The following SLC46A1 variants were observed in gnomAD, a reference collection of about 807,000 sequenced individuals.
SLC46A1 encodes the protein proton-coupled folate transporter.
Under a neutral mutation model 32.1 loss-of-function variants are expected in SLC46A1, and 17 were observed. That is an observed-to-expected ratio of 0.53 (90% CI 0.36 to 0.79). SLC46A1 has a LOEUF of 0.79. SLC46A1 is among the 30% of genes least tolerant of loss of function. The probability of loss-of-function intolerance (pLI) is 0.00; values close to 1 mark genes in which losing one functional copy is unlikely to be tolerated. For synonymous variants in SLC46A1, 240 were observed against 262.7 expected (o/e 0.91, Z 0.84); for missense variants, 517 against 588.2 (o/e 0.88, Z 1.25).
rs1452356781 is a variant in SLC46A1 at position 28,396,388 on chromosome 17, CTCT to C, written c.*3265_*3267del. On this transcript the variant is annotated 3_prime_UTR_variant, in exon 5 of 5. Coordinates refer to ENST00000612814, the MANE Select transcript of SLC46A1 (RefSeq NM_080669.6). ...TCTCCCTGGGCTGAGACAACCTGGG[CTCT>C]TCTTAGGAAATGGCTCTCCCTCCCC... The C allele has an allele frequency of 9.8e-6, 14 of 1,432,872 alleles. No individual in the cohort carries two copies. The highest frequency in any genetic ancestry group is 1.3e-5 in the Non-Finnish European group (14 of 1,039,102). 88.8% of individuals were successfully genotyped at this position (1,432,872 alleles called of 1,614,324 possible).
intron 3 of SLC46A1, 197 bp downstream of exon 3, chr17:28,402,041 G>T: frequency 1.9e-6 from 1 of 527,958 alleles, no homozygotes; most frequent in South Asian, 2.7e-5. Flanking sequence ...TCCCAACTCT[G>T]CGGTTTGAAA....
chr17:28,405,307 C>T lies in SLC46A1; in HGVS notation c.390G>A (p.Val130=). Residue 130 remains valine (V), a synonymous_variant, in exon 2 of 5, where the codon GTG becomes GTA. Transcript: ENST00000612814. The stretch of plus-strand genomic sequence containing the variant: ...GCTGCAGCTGCACCACAAAAACGGA[C>T]ACTAGGGCCTGGAGCAGCAGGCCCA... ...ASLGLLLQAL[V]SVFVVQLQLH... 2.5e-6 allele frequency: 4 copies of T among 1,589,670 alleles called. No individual in the cohort carries two copies. The highest frequency in any genetic ancestry group is 3.4e-6 in the Non-Finnish European group (4 of 1,168,814).
In SLC46A1 at chr17:28,396,669, A is replaced by C; in HGVS notation, c.*2987T>G. ...TGACGGAAGGCAGCCTCAGACAGGA[A>C]TTAAGGCAATGCCCAGGCGGGCCTG... is the stretch of plus-strand genomic sequence containing the variant. On this transcript the variant is annotated 3_prime_UTR_variant, in exon 5 of 5. Coordinates refer to ENST00000612814, the MANE Select transcript of SLC46A1 (RefSeq NM_080669.6). 4.5e-6 allele frequency: 1 copy of C among 220,286 alleles called. No individual in the cohort carries two copies. Among genetic ancestry groups the C allele is most frequent in the Non-Finnish European group, 9.1e-6 (1 of 110,356 alleles). The allele number at this position is 220,286 out of a possible 1,614,324, so 13.6% of individuals were successfully genotyped here.
intron 1 of SLC46A1, 194 bp from the exon 2 acceptor site, chr17:28,405,662 TC>T (rs1335620298): frequency 1.1e-4 from 109 of 968,278 alleles, no homozygotes; most frequent in South Asian, 1.7e-4. Context: ...CCCTTTCCTT[TC>T]CCCCCCCTTT....
chr17:28,405,862 G>T, intron 1 of SLC46A1, 25 bp downstream of exon 1: 1 of 1,543,126 alleles, frequency 6.5e-7, no homozygotes, highest in Non-Finnish European at 8.7e-7. Flanking sequence ...CCCTCCACCT[G>T]CCAGGCTCCT....
At chr17:28,402,546 T>G in intron 2 of SLC46A1, 2 of 451,184 alleles carry the variant, frequency 4.4e-6, no homozygotes, top group South Asian at 5.9e-5. Context: ...TAATTCCCAT[T>G]GATTGCTTTC....
Position 28,396,273 on chromosome 17 carries a change from T to C in SLC46A1, c.*3383A>G. On this transcript the variant is annotated 3_prime_UTR_variant, in exon 5 of 5. Coordinates refer to ENST00000612814, the MANE Select transcript of SLC46A1 (RefSeq NM_080669.6). ...ACCAGTTTGGAGGGTGCTGCACCCA[T>C]GGGTCCAACCTAACCAGTCCCCAGT... 1 of 1,613,982 alleles carries C rather than the reference T, an allele frequency of 6.2e-7. No individual in the cohort carries two copies. Among genetic ancestry groups the C allele is most frequent in the Non-Finnish European group, 8.5e-7 (1 of 1,179,880 alleles).
Position 28,405,061 on chromosome 17 carries a change from G to T in SLC46A1, c.636C>A (p.Phe212Leu), listed in dbSNP as rs1555590694. ...CTATCAGCAAGGCCAAGGCCAGCCA[G>T]AAGGGGTTGGCATAACCCTGGGCCC... ...WLRAQGYANP[F>L]WLALALLIAM... The change falls in exon 2 of 5, where the codon TTC (phenylalanine) becomes TTA (leucine). Residue 212 changes from phenylalanine to leucine, a missense_variant. Phe to Leu is a conservative substitution (Grantham distance 22). Coordinates refer to ENST00000612814, the MANE Select transcript of SLC46A1 (RefSeq NM_080669.6). 6.2e-7 allele frequency: 1 copy of T among 1,613,916 alleles called. No individual in the cohort carries two copies. The highest frequency in any genetic ancestry group is 8.5e-7 in the Non-Finnish European group (1 of 1,179,902).
Position 28,398,532 on chromosome 17 carries a change from G to C in SLC46A1, c.*1124C>G, listed in dbSNP as rs1275644313. 6.6e-6 allele frequency: 1 copy of C among 152,304 alleles called. No individual in the cohort carries two copies. Among genetic ancestry groups the C allele is most frequent in the East Asian group, 1.9e-4 (1 of 5,186 alleles). 9.4% of individuals were successfully genotyped at this position (152,304 alleles called of 1,614,324 possible). On this transcript the variant is annotated 3_prime_UTR_variant, in exon 5 of 5. Transcript: ENST00000612814. ...AGAAGTGGCCTTTCCTCCAAAGCCT[G>C]CTCAGACACAGGTCTGTAGGGCCAG...
chr17:28,406,437 A>C, upstream of SLC46A1: 1 of 322,718 alleles, frequency 3.1e-6, no homozygotes, highest in Non-Finnish European at 5.6e-6. The surrounding 1 kb of genome is among the most constrained non-coding windows in gnomAD (Gnocchi z 4.5). Context: ...ATCAACAATT[A>C]ACATGTATTG....
chr17:28,400,451 G>T lies in SLC46A1; in HGVS notation c.1322+159C>A, dbSNP rs1340607673. ...CGCCCTTGGAAAATGGCTCCTGGAG[G>T]ATTAGGCAGCCATCTGCAAGGAGAG... On this transcript the variant is annotated intron_variant, in intron 4 of 4. Coordinates refer to ENST00000612814, the MANE Select transcript of SLC46A1 (RefSeq NM_080669.6). The T allele has an allele frequency of 4.5e-6, 4 of 894,638 alleles. No individual in the cohort carries two copies. In the Admixed American group the frequency reaches 1.1e-4, roughly 25 times the overall value. The allele number at this position is 894,638 out of a possible 1,614,324, so 55.4% of individuals were successfully genotyped here. A position where few individuals can be genotyped will look rare whatever the true frequency, so the allele number is the denominator to read the frequency against.
chr17:28,399,814 A>G, intron 4 of SLC46A1, 101 bp from the exon 5 acceptor site: 1 of 1,221,242 alleles, frequency 8.2e-7, no homozygotes, highest in Middle Eastern at 1.9e-4. Context: ...TGGTCCAGGT[A>G]GCTCTCCTGA....
chr17:28,406,045 G>A lies in SLC46A1; in HGVS notation c.70C>T (p.Pro24Ser). The A allele has an allele frequency of 6.2e-7, 1 of 1,606,546 alleles. No individual in the cohort carries two copies. Among genetic ancestry groups the A allele is most frequent in the Non-Finnish European group, 8.5e-7 (1 of 1,177,722 alleles). ...RPAAAVLCRGPVEPLVFLANF... is the reference protein window; with the variant it reads ...RPAAAVLCRGSVEPLVFLANF... ...GCCAGGAAGACCAGCGGCTCTACCG[G>A]GCCCCGGCACAGCACGGCAGCCGCA... is the stretch of plus-strand genomic sequence containing the variant. Residue 24 changes from proline (P) to serine (S), a missense_variant, in exon 1 of 5, where the codon CCG becomes TCG. By Grantham distance (74) the Pro-to-Ser change is moderately conservative. Transcript: ENST00000612814. This position sits in a 1 kb window ranked among gnomAD's most constrained non-coding sequence, Gnocchi z 4.5.
At chr17:28,402,699 G>A (rs2068211542) in intron 2 of SLC46A1, 1 of 180,472 alleles carries the variant, frequency 5.5e-6, no homozygotes, top group South Asian at 1.3e-4. Flanking sequence ...TTATCTGTGT[G>A]GCCTGGGGTA....
chr17:28,402,377 G>T, intron 2 of SLC46A1, 56 bp from the exon 3 acceptor site: 1 of 1,478,020 alleles, frequency 6.8e-7, no homozygotes, highest in Non-Finnish European at 9.4e-7. Context: ...GGGCGTCCAA[G>T]GGAAAGGCAG....
chr17:28,400,648 C>T lies in SLC46A1; in HGVS notation c.1284G>A (p.Leu428=). Residue 428 remains leucine, a synonymous_variant, in exon 4 of 5, where the codon CTG becomes CTA. Transcript: ENST00000612814. Reference sequence around the variant, plus strand: ...CCGGGATGAGCAGGAGGCCAGCTCCCAGGAGGAAGGGGAACCCCTTCATAA... The same window carrying T: ...CCGGGATGAGCAGGAGGCCAGCTCCTAGGAGGAAGGGGAACCCCTTCATAA... ...LNFMKGFPFL[L]GAGLLLIPAV... is the part of the protein sequence containing the mutation. 6.2e-7 allele frequency: 1 copy of T among 1,613,744 alleles called. No individual in the cohort carries two copies.
intron 3 of SLC46A1, 196 bp from the exon 4 acceptor site, chr17:28,400,962 G>A (rs1269330702): frequency 3.3e-6 from 2 of 611,416 alleles, no homozygotes; most frequent in Admixed American, 2.5e-5. Flanking sequence ...GGCACAGAGG[G>A]GCTACTAAAC....
In SLC46A1 at chr17:28,396,654, CA is replaced by C. The variant is rs2068127915; in HGVS notation, c.*3001del. ...TCAGCTTGAGGAGGATGACGGAAGG[CA>C]GCCTCAGACAGGAATTAAGGCAATG... On this transcript the variant is annotated 3_prime_UTR_variant, in exon 5 of 5. Coordinates refer to ENST00000612814, the MANE Select transcript of SLC46A1 (RefSeq NM_080669.6). 1 of 230,032 alleles carries C rather than the reference CA, an allele frequency of 4.3e-6. No homozygotes were observed. The highest frequency in any genetic ancestry group is 8.6e-6 in the Non-Finnish European group (1 of 116,330). 14.2% of individuals were successfully genotyped at this position (230,032 alleles called of 1,614,324 possible).
At chr17:28,399,979 G>T in intron 4 of SLC46A1, 1 of 452,030 alleles carries the variant, frequency 2.2e-6, no homozygotes. Flanking sequence ...CTGTACCCTT[G>T]AACTCCTGGG....
Sources: allele counts gnomAD v4.1 joint callset, GRCh38; gene constraint gnomAD v4.1.1; non-coding constraint Gnocchi (gnomAD v3.1); transcripts MANE v1.5; gene names NCBI Gene and HGNC (gene_info 2026-07-23, HGNC 2026-07-21).